DENND2D: variants seen among roughly 807,000 people sequenced by gnomAD.
DENND2D encodes DENN domain-containing protein 2D.
In DENND2D, 37 loss-of-function variants were observed where a neutral mutation model predicts 59.8. That is an observed-to-expected ratio of 0.62 (90% CI 0.48 to 0.81). The LOEUF (loss-of-function observed/expected upper bound fraction) is 0.81. DENND2D is among the 40% of genes least tolerant of loss of function. The pLI, the probability that DENND2D is intolerant of heterozygous loss-of-function variation, is 0.00. For missense variants in DENND2D, 525 were observed against 579.7 expected, an observed-to-expected ratio of 0.91 and a Z score of 0.97; for synonymous variants, 219 against 211.3, an observed-to-expected ratio of 1.04 and a Z score of -0.31.
chr1:111,194,891 T>C (rs959327850), intron 6 of DENND2D, among the ~76,000 whole-genome samples, 165 bp from the exon 7 acceptor site: 2 of 152,032 alleles, frequency 1.3e-5, no homozygotes, highest in Non-Finnish European at 2.9e-5. Context: ...ACTGATGTGA[T>C]CTTGAGTATG....
At position 111,188,274 on chromosome 1, in the gene DENND2D, T is replaced by C. The variant is rs746519527; in HGVS notation, c.1196A>G (p.Asn399Ser). 51 of 1,614,200 alleles carry C rather than the reference T, an allele frequency of 3.2e-5. No individual in the cohort carries two copies. The highest frequency in any genetic ancestry group is 4.3e-5 in the Non-Finnish European group (51 of 1,180,036). Residue 399 changes from asparagine (N) to serine (S), a missense_variant, in exon 11 of 12, where the codon AAT (asparagine) becomes AGT (serine). Transcript: ENST00000357640. ...HYASYIKREA[N>S]GQGHFQERSF... ...TCTTTCTTGGAAGTGGCCTTGCCCATTTGCCTCCCGCTTGATATAGGAAGC... is the reference window on the plus strand; with the variant it reads ...TCTTTCTTGGAAGTGGCCTTGCCCACTTGCCTCCCGCTTGATATAGGAAGC...
At chr1:111,202,929 G>A (rs1373018965), upstream of DENND2D, among the ~76,000 whole-genome samples, 1 of 151,874 alleles carries the variant, frequency 6.6e-6, no homozygotes, top group African/African-American at 2.4e-5. Context: ...TGGGGCAGGG[G>A]TGGGTGGGAA....
At chr1:111,198,867 CA>C in intron 2 of DENND2D, 125 bp from the exon 3 acceptor site, 2 of 894,928 alleles carry the variant, frequency 2.2e-6, no homozygotes, top group Non-Finnish European at 3.5e-6. Flanking sequence ...TCTCCACTAG[CA>C]TAGGGGCGAA....
rs1470356589 is a variant in DENND2D, at chr1:111,199,754, T to A, written c.112A>T (p.Arg38Trp). The A allele has an allele frequency of 6.2e-7, 1 of 1,614,110 alleles. No individual in the cohort carries two copies. The change falls in exon 2 of 12, where the codon AGG becomes TGG. Residue 38 changes from arginine (R) to tryptophan (W), a missense_variant. This residue lies in a region of DENND2D where 253 missense variants were observed against 246.4 expected (regional missense o/e 1.03). Transcript: ENST00000357640. ...NSGEALKEPE[R>W]AQEHSLPNFA... ...TTGGGCAAAGAGTGCTCCTGGGCCC[T>A]TTCTGGTTCCTTTAAAGCTTCCCCT...
At position 111,187,462 on chromosome 1, in the gene DENND2D, G is replaced by C. The variant is rs533348480; in HGVS notation, c.*143C>G. ...CCAGGGATCCAAATCTCAGACACCA[G>C]TTTGAAGCAATACCTGGATACCAAG... is the stretch of plus-strand genomic sequence containing the variant. On this transcript the variant is annotated 3_prime_UTR_variant, in exon 12 of 12. Transcript: ENST00000357640. 3 of 670,680 alleles carry C rather than the reference G, an allele frequency of 4.5e-6. No homozygotes were observed. The Admixed American group carries it at 7.9e-5, about 18-fold the overall frequency. The allele number at this position is 670,680 out of a possible 1,614,324, so 41.5% of individuals were successfully genotyped here. A position where few individuals can be genotyped will look rare whatever the true frequency, so the allele number is the denominator to read the frequency against.
intron 8 of DENND2D, among the ~76,000 whole-genome samples, chr1:111,191,202 A>G (rs1302973185): frequency 6.6e-6 from 1 of 152,204 alleles, no homozygotes. Flanking sequence ...CAGCAGTCCT[A>G]AGGAAGGATG....
At chr1:111,189,756 C>G (rs1358048985) in intron 8 of DENND2D, among the ~76,000 whole-genome samples, 1 of 152,220 alleles carries the variant, frequency 6.6e-6, no homozygotes, top group Non-Finnish European at 1.5e-5. Flanking sequence ...GACTGATATT[C>G]TTGAGATTGC....
rs1658286854 is a variant in DENND2D at position 111,196,933 on chromosome 1, C to A, written c.504+243G>T. ...TCTTCTGCTTGTCCTACTTCAACTA[C>A]TTTCTTACTTGGCTAGAGTGGGAAC... On this transcript the variant is annotated intron_variant, in intron 5 of 11. Transcript: ENST00000357640. 1.9e-5 allele frequency: 9 copies of A among 469,062 alleles called. No homozygotes were observed. The South Asian group carries it at 2.6e-4, about 14-fold the overall frequency. The allele number at this position is 469,062 out of a possible 1,614,324, so 29.1% of individuals were successfully genotyped here. A position where few individuals can be genotyped will look rare whatever the true frequency, so the allele number is the denominator to read the frequency against.
intron 9 of DENND2D, 150 bp downstream of exon 9, chr1:111,189,062 A>T: frequency 1.1e-6 from 1 of 889,022 alleles, no homozygotes; most frequent in Admixed American, 2.5e-5. Flanking sequence ...GTTTATGTCC[A>T]TGGGCTCCTT....
rs922647193 is a variant in DENND2D at position 111,198,651 on chromosome 1, G to A, written c.335C>T (p.Ala112Val). Residue 112 changes from alanine (A) to valine (V), a missense_variant, in exon 3 of 12, where the codon GCA (alanine) becomes GTA (valine). Transcript: ENST00000357640. ...TTACCTGGGATACTCGGTGAGTGAT[G>A]CCCACTCATTCCCATCTGGGAAGCA... is the stretch of plus-strand genomic sequence containing the variant. ...LFCFPDGNEW[A>V]SLTEYPRETF... 6.2e-7 allele frequency: 1 copy of A among 1,613,816 alleles called. No individual in the cohort carries two copies. The highest frequency in any genetic ancestry group is 1.3e-5 in the African/African-American group (1 of 74,904).
intron 5 of DENND2D, 146 bp downstream of exon 5, chr1:111,197,030 C>G (rs1658297752): frequency 1.1e-6 from 1 of 887,072 alleles, no homozygotes; most frequent in Non-Finnish European, 1.7e-6. Flanking sequence ...AAGTGCATGC[C>G]CCTTTGCCTC....
Position 111,194,108 on chromosome 1 carries a change from T to C in DENND2D, c.794+470A>G, listed in dbSNP as rs565373107. Among the ~76,000 whole-genome samples the C allele has an allele frequency of 2.0e-5, 3 of 152,376 alleles. No homozygotes were observed. The East Asian group carries it at 5.8e-4, about 29-fold the overall frequency. On this transcript the variant is annotated intron_variant, in intron 7 of 11. Transcript: ENST00000357640. ...CTAATTCTGCTGATTTCAATCCCTGTGCTTTCAACCAGTATGTAATTCCGC... is the reference window on the plus strand; with the variant it reads ...CTAATTCTGCTGATTTCAATCCCTGCGCTTTCAACCAGTATGTAATTCCGC...
chr1:111,196,214 C>T, intron 5 of DENND2D, 158 bp from the exon 6 acceptor site: 1 of 826,946 alleles, frequency 1.2e-6, no homozygotes, highest in Non-Finnish European at 1.8e-6. Context: ...CCTCTCCCTC[C>T]CTGGCAGAGG....
At chr1:111,191,954 G>C (rs1244130938) in intron 8 of DENND2D, among the ~76,000 whole-genome samples, 186 bp downstream of exon 8, 2 of 152,196 alleles carry the variant, frequency 1.3e-5, no homozygotes, top group Non-Finnish European at 2.9e-5. Context: ...AGGAGCTCTA[G>C]GCAGGTGGTT....
intron 7 of DENND2D, among the ~76,000 whole-genome samples, chr1:111,193,544 A>G (rs1272009819): frequency 6.6e-6 from 1 of 152,180 alleles, no homozygotes; most frequent in Admixed American, 6.5e-5. Context: ...GTTATCACCC[A>G]TTTTTACAGA....
upstream of DENND2D, chr1:111,204,447 C>CG: frequency 4.9e-6 from 6 of 1,234,552 alleles, no homozygotes; most frequent in South Asian, 4.2e-5. Flanking sequence ...CACTTTCACG[C>CG]GGGGGGAGGC....
chr1:111,192,633 C>A (rs1657887164), intron 7 of DENND2D, among the ~76,000 whole-genome samples: 1 of 152,174 alleles, frequency 6.6e-6, no homozygotes, highest in Non-Finnish European at 1.5e-5. Context: ...GAGTTGCTTT[C>A]ATTCAAGGAG....
Position 111,199,721 on chromosome 1 carries a change from C to A in DENND2D, c.145G>T (p.Gly49Trp), listed in dbSNP as rs1248685886. Reference protein sequence around the residue: ...AQEHSLPNFAGGQHFFEYLLV... With the variant: ...AQEHSLPNFAWGQHFFEYLLV... The stretch of plus-strand genomic sequence containing the variant: ...AGGTATTCAAAGAAGTGCTGCCCCC[C>A]AGCAAAGTTGGGCAAAGAGTGCTCC... Residue 49 changes from glycine to tryptophan, a missense_variant, in exon 2 of 12, where the codon GGG becomes TGG. Around this residue, in one of 3 missense-constraint regions of DENND2D, gnomAD observed 253 missense variants for 246.4 expected, o/e 1.03. Transcript: ENST00000357640. 2 of 1,614,188 alleles carry A rather than the reference C, an allele frequency of 1.2e-6. No individual in the cohort carries two copies. Among genetic ancestry groups the A allele is most frequent in the South Asian group, 1.1e-5 (1 of 91,084 alleles).
Position 111,187,558 on chromosome 1 carries a change from G to A in DENND2D, c.*47C>T. 1 of 1,541,816 alleles carries A rather than the reference G, an allele frequency of 6.5e-7. No homozygotes were observed. On this transcript the variant is annotated 3_prime_UTR_variant, in exon 12 of 12. Coordinates refer to ENST00000357640, the MANE Select transcript of DENND2D (RefSeq NM_024901.5). ...TCCTGCCACACTGGCAGGGGCTGAA[G>A]TCCAGAAATGGTGTGTAGCTCTAGT...
Sources: gnomAD v4.1 joint callset for allele counts (sites outside exome capture counted in the v4.1 genomes callset) on GRCh38, gnomAD v4.1.1 for gene constraint, gnomAD v4.1.1 regional missense constraint, MANE v1.5 for transcripts, NCBI Gene and HGNC (gene_info 2026-07-23, HGNC 2026-07-21) for gene names.